The following FARS2 variants were observed in gnomAD, a reference collection of about 807,000 sequenced individuals.
The protein encoded by FARS2 is phenylalanine--tRNA ligase, mitochondrial.
A neutral mutation model predicts 46.4 loss-of-function variants in FARS2; 40 were observed. The observed-to-expected ratio is 0.86, with a 90% CI of 0.67 to 1.12. The LOEUF is 1.12. FARS2 is among the 50% of genes most tolerant of loss of function. FARS2 has a pLI of 0.00. For synonymous variants in FARS2, 234 were observed against 214.9 expected (o/e 1.09, Z -0.78); for missense variants, 513 against 567.9 (o/e 0.90, Z 0.98).
chr6:5,580,948 A>G (rs1773294358), intron 5 of FARS2, among the ~76,000 whole-genome samples: 1 of 152,260 alleles, frequency 6.6e-6, no homozygotes, highest in Non-Finnish European at 1.5e-5. Flanking sequence ...CCTTTGGGAA[A>G]GTTGTCTATT....
intron 5 of FARS2, among the ~76,000 whole-genome samples, chr6:5,603,636 C>T (rs900758251): frequency 1.3e-5 from 2 of 152,174 alleles, no homozygotes; most frequent in Non-Finnish European, 2.9e-5. Flanking sequence ...GAGCGTTATC[C>T]CAGCCTCTGG....
At chr6:5,614,797 G>C (rs1382719642) in intron 6 of FARS2, among the ~76,000 whole-genome samples, 1 of 152,180 alleles carries the variant, frequency 6.6e-6, no homozygotes, top group Non-Finnish European at 1.5e-5. Flanking sequence ...CTAAATGACT[G>C]AAGTTCATCA....
chr6:5,751,883 C>G (rs1364899945), intron 6 of FARS2, among the ~76,000 whole-genome samples: 2 of 152,240 alleles, frequency 1.3e-5, no homozygotes, highest in Non-Finnish European at 2.9e-5. Context: ...CTTTTTAAGG[C>G]ATAATGACAC....
intron 5 of FARS2, among the ~76,000 whole-genome samples, chr6:5,611,372 T>C (rs896194642): frequency 1.3e-5 from 2 of 152,126 alleles, no homozygotes; most frequent in African/African-American, 4.8e-5. Flanking sequence ...CTTTTAGGAA[T>C]TGGAGGCTTT....
chr6:5,652,834 C>T (rs1209508711), intron 6 of FARS2, among the ~76,000 whole-genome samples: 2 of 152,192 alleles, frequency 1.3e-5, no homozygotes, highest in African/African-American at 4.8e-5. Context: ...GCAAAGGTGC[C>T]CTCCTGGCTG....
chr6:5,527,857 G>T (rs1769565548), intron 4 of FARS2, among the ~76,000 whole-genome samples: 1 of 152,162 alleles, frequency 6.6e-6, no homozygotes, highest in South Asian at 2.1e-4. Context: ...ACTGTTTGTT[G>T]CAATGATCTG....
intron 6 of FARS2, among the ~76,000 whole-genome samples, chr6:5,762,564 T>A (rs1427373570): frequency 6.6e-6 from 1 of 152,230 alleles, no homozygotes; most frequent in Non-Finnish European, 1.5e-5. Flanking sequence ...GGGGGTGTTT[T>A]GAAACATCCC....
At chr6:5,602,772 A>ATTG (rs2150639742) in intron 5 of FARS2, among the ~76,000 whole-genome samples, 1 of 151,870 alleles carries the variant, frequency 6.6e-6, no homozygotes, top group African/African-American at 2.4e-5. Flanking sequence ...ATGGGGTAGC[A>ATTG]TTGTTAAACC....
At chr6:5,580,446 G>A (rs974235582) in intron 5 of FARS2, among the ~76,000 whole-genome samples, 2 of 152,072 alleles carry the variant, frequency 1.3e-5, no homozygotes, top group Non-Finnish European at 2.9e-5. Context: ...TTATTATACT[G>A]TAGTCTGGTC....
rs1581647159 is a variant in FARS2 at position 5,267,126 on chromosome 6, C to G, written c.-22+5466C>G. ...ACAATTTATTTTGTGTAAAGTATTT[C>G]AAATGTCAGTTATTTCTAGAGGTTT... On this transcript the variant is annotated intron_variant, in intron 1 of 6. Transcript: ENST00000274680. Among the ~76,000 whole-genome samples the G allele has an allele frequency of 2.0e-5, 3 of 147,424 alleles. No individual in the cohort carries two copies. The East Asian group carries it at 6.0e-4, about 30-fold the overall frequency.
At chr6:5,429,802 G>A (rs1763060146) in intron 3 of FARS2, among the ~76,000 whole-genome samples, 1 of 152,134 alleles carries the variant, frequency 6.6e-6, no homozygotes, top group South Asian at 2.1e-4. Flanking sequence ...GACAGTGTGA[G>A]ATCCTATCAA....
Position 5,595,667 on chromosome 6 carries a change from G to A in FARS2, c.1066-17502G>A, listed in dbSNP as rs563442557. On this transcript the variant is annotated intron_variant, in intron 5 of 6. Coordinates refer to ENST00000274680, the MANE Select transcript of FARS2 (RefSeq NM_006567.5). Reference sequence around the variant, plus strand: ...TGGGATGGTCATTGCCACAGCTTGAGGAGGTGGGAGAAGCAGATGGATCTG... The same window carrying A: ...TGGGATGGTCATTGCCACAGCTTGAAGAGGTGGGAGAAGCAGATGGATCTG... Among the ~76,000 whole-genome samples, 310 of 152,320 alleles carry A rather than the reference G, an allele frequency of 2.0e-3. 2 individuals carry two copies. Among genetic ancestry groups the A allele is most frequent in the African/African-American group, 6.5e-3 (269 of 41,566 alleles).
chr6:5,543,698 T>G (rs2150496069), intron 4 of FARS2, among the ~76,000 whole-genome samples: 1 of 152,188 alleles, frequency 6.6e-6, no homozygotes, highest in East Asian at 1.9e-4. Flanking sequence ...AAATGCAAGG[T>G]AGAAATGAGA....
chr6:5,615,692 C>A (rs150442231), intron 6 of FARS2, among the ~76,000 whole-genome samples: 1 of 151,806 alleles, frequency 6.6e-6, no homozygotes, highest in Non-Finnish European at 1.5e-5. Context: ...GCTTTTTTGC[C>A]GCTCATATTT....
intron 5 of FARS2, among the ~76,000 whole-genome samples, chr6:5,581,750 C>T (rs112116588): frequency 1.3e-5 from 2 of 152,098 alleles, no homozygotes; most frequent in Non-Finnish European, 2.9e-5. Flanking sequence ...AACATACTTC[C>T]GGTTAATTCC....
In FARS2 at chr6:5,562,806, C is replaced by CT. The variant is rs1275011133; in HGVS notation, c.1065+17482dup. Among the ~76,000 whole-genome samples the CT allele has an allele frequency of 1.6e-3, 190 of 122,298 alleles. 1 individual carries two copies. The highest frequency in any genetic ancestry group is 3.1e-3 in the African/African-American group (104 of 33,428). 80.2% of individuals were successfully genotyped at this position (122,298 alleles called of 152,430 possible). A position where few individuals can be genotyped will look rare whatever the true frequency, so the allele number is the denominator to read the frequency against. On this transcript the variant is annotated intron_variant, in intron 5 of 6. Coordinates refer to ENST00000274680, the MANE Select transcript of FARS2 (RefSeq NM_006567.5). ...TTCTTTTCTTTTCTTTTTTCTTTTT[C>CT]TTTTTTTTTTTTTTTTAAGATGGAG...
At chr6:5,715,567 C>T (rs1215511345) in intron 6 of FARS2, among the ~76,000 whole-genome samples, 1 of 152,138 alleles carries the variant, frequency 6.6e-6, no homozygotes, top group African/African-American at 2.4e-5. Context: ...TATAAGGAAT[C>T]ATATAATATG....
intron 6 of FARS2, among the ~76,000 whole-genome samples, chr6:5,730,210 T>A (rs1360657512): frequency 1.3e-5 from 2 of 152,110 alleles, no homozygotes; most frequent in Non-Finnish European, 2.9e-5. Context: ...ATATCCATCC[T>A]GGGACAGCAG....
At chr6:5,380,873 C>T (rs1190732249) in intron 2 of FARS2, among the ~76,000 whole-genome samples, 1 of 152,062 alleles carries the variant, frequency 6.6e-6, no homozygotes, top group Non-Finnish European at 1.5e-5. Context: ...AAACTAGATA[C>T]ATCATCTAAA....
Sources: gnomAD v4.1 joint callset for allele counts (sites outside exome capture counted in the v4.1 genomes callset) on GRCh38, gnomAD v4.1.1 for gene constraint, MANE v1.5 for transcripts, NCBI Gene and HGNC (gene_info 2026-07-23, HGNC 2026-07-21) for gene names.